The following FAM107B variants were observed in gnomAD, a reference collection of about 807,000 sequenced individuals.
The protein encoded by FAM107B is family with sequence similarity 107 member B, also known as protein FAM107B.
In FAM107B, 21 loss-of-function variants were observed where a neutral mutation model predicts 31.5. That is an observed-to-expected ratio of 0.67 (90% CI 0.47 to 0.96). FAM107B has a LOEUF of 0.96. Among genes scored for constraint, FAM107B ranks in the 40% least tolerant of loss-of-function variants. The pLI is 0.00. For synonymous variants in FAM107B, 157 were observed against 141.5 expected, an observed-to-expected ratio of 1.11 and a Z score of -0.78; for missense variants, 452 against 377.1, an observed-to-expected ratio of 1.20 and a Z score of -1.64.
chr10:14,573,576 C>CA (rs774786735), intron 2 of FAM107B, among the ~76,000 whole-genome samples: 41,916 of 121,806 alleles, frequency 0.34, 7,295 homozygotes, highest in South Asian at 0.53. Flanking sequence ...ATTAAAAATA[C>CA]AAAAAAAAAA....
chr10:14,670,024 A>T (rs1231394935), intron 1 of FAM107B, among the ~76,000 whole-genome samples: 1 of 152,228 alleles, frequency 6.6e-6, no homozygotes, highest in African/African-American at 2.4e-5. Context: ...CATGTAAAAA[A>T]AATCACAAGT....
intron 3 of FAM107B, among the ~76,000 whole-genome samples, chr10:14,524,683 A>G (rs1241936696): frequency 6.6e-6 from 1 of 152,244 alleles, no homozygotes; most frequent in African/African-American, 2.4e-5. Flanking sequence ...GACTATCAAA[A>G]AGTCTTGATA....
intron 2 of FAM107B, among the ~76,000 whole-genome samples, chr10:14,596,569 G>C (rs1852195438): frequency 1.3e-5 from 2 of 152,126 alleles, no homozygotes; most frequent in Non-Finnish European, 2.9e-5. Flanking sequence ...AATATTACCA[G>C]TATTATTACT....
At chr10:14,558,379 A>C (rs1485139514) in intron 2 of FAM107B, among the ~76,000 whole-genome samples, 2 of 151,460 alleles carry the variant, frequency 1.3e-5, no homozygotes, top group Admixed American at 6.6e-5. Flanking sequence ...AAGATACCTA[A>C]TTAAATTATT....
At chr10:14,582,955 G>A (rs990861339) in intron 2 of FAM107B, among the ~76,000 whole-genome samples, 8 of 151,784 alleles carry the variant, frequency 5.3e-5, no homozygotes, top group Admixed American at 2.0e-4. Context: ...GCAGAGTGGC[G>A]TGCCCCTATA....
intron 1 of FAM107B, among the ~76,000 whole-genome samples, chr10:14,773,986 G>A (rs1203694687): frequency 6.6e-6 from 1 of 152,034 alleles, no homozygotes; most frequent in Non-Finnish European, 1.5e-5. Flanking sequence ...GCCATTTTTG[G>A]CTCTAAGGCA....
chr10:14,719,060 T>C (rs934443707), intron 1 of FAM107B, among the ~76,000 whole-genome samples: 8 of 152,234 alleles, frequency 5.3e-5, no homozygotes, highest in African/African-American at 1.7e-4. Flanking sequence ...GGGCTGCTCC[T>C]ATTATCAGCC....
In FAM107B at chr10:14,688,719, G is replaced by A. The variant is rs539964738; in HGVS notation, c.412-21028C>T. 5.3e-5 allele frequency among the ~76,000 whole-genome samples: 8 copies of A among 152,124 alleles called. No individual in the cohort carries two copies. In the South Asian group the frequency reaches 6.2e-4, roughly 12 times the overall value. ...GCTCAACGTTTCTTTACAAGGCGTC[G>A]GTAAACAGAGCTTCCATTTTCCAGA... On this transcript the variant is annotated intron_variant, in intron 1 of 4. Transcript: ENST00000181796.
At chr10:14,558,201 G>A (rs1028446002) in intron 2 of FAM107B, among the ~76,000 whole-genome samples, 4 of 149,822 alleles carry the variant, frequency 2.7e-5, no homozygotes, top group South Asian at 2.1e-4. Context: ...ACACACTCAC[G>A]TGCACGTGCT....
chr10:14,572,722 CAA>C (rs1226464805), intron 2 of FAM107B, among the ~76,000 whole-genome samples: 21 of 53,352 alleles, frequency 3.9e-4, no homozygotes, highest in African/African-American at 8.9e-4. Flanking sequence ...CCCATCTCTT[CAA>C]AAAAAAAAAA....
chr10:14,636,252 G>C (rs968382050), intron 2 of FAM107B, among the ~76,000 whole-genome samples: 3 of 136,668 alleles, frequency 2.2e-5, no homozygotes, highest in African/African-American at 8.5e-5. Flanking sequence ...GCCATAGTGT[G>C]ACTCTTATAA....
chr10:14,547,956 T>C (rs1455939346), intron 2 of FAM107B, among the ~76,000 whole-genome samples: 1 of 152,222 alleles, frequency 6.6e-6, no homozygotes, highest in Admixed American at 6.5e-5. Context: ...AACAGCTATT[T>C]CCATGGCCCC....
chr10:14,740,959 G>A (rs1856422236), intron 1 of FAM107B, among the ~76,000 whole-genome samples: 1 of 152,200 alleles, frequency 6.6e-6, no homozygotes. Context: ...TCTGTTAAGT[G>A]TTAAAAGTAA....
intron 2 of FAM107B, among the ~76,000 whole-genome samples, chr10:14,655,107 C>G (rs749877596): frequency 2.1e-4 from 32 of 152,080 alleles, no homozygotes; most frequent in Admixed American, 6.5e-4. Flanking sequence ...AGAGAGGATG[C>G]AAGAGAGAGA....
rs112389292 is a variant in FAM107B at position 14,671,487 on chromosome 10, G to A, written c.412-3796C>T. Reference sequence around the variant, plus strand: ...GCCAGGCTCCTCCCTGATGCAAATGGCACGAGCTTCCCGAGGCTCCACCCC... The same window carrying A: ...GCCAGGCTCCTCCCTGATGCAAATGACACGAGCTTCCCGAGGCTCCACCCC... On this transcript the variant is annotated intron_variant, in intron 1 of 4. Transcript: ENST00000181796. 5.2e-3 allele frequency among the ~76,000 whole-genome samples: 787 copies of A among 152,188 alleles called. 11 individuals are homozygous for A. Among genetic ancestry groups the A allele is most frequent in the African/African-American group, 0.018 (742 of 41,532 alleles).
intron 2 of FAM107B, among the ~76,000 whole-genome samples, chr10:14,561,391 G>A (rs537958533): frequency 3.9e-5 from 6 of 152,348 alleles, no homozygotes; most frequent in Admixed American, 6.5e-5. Flanking sequence ...GAAACACCGC[G>A]CTGAGAAGAC....
At chr10:14,609,545 C>A (rs936139795) in intron 2 of FAM107B, among the ~76,000 whole-genome samples, 6 of 152,200 alleles carry the variant, frequency 3.9e-5, no homozygotes, top group Non-Finnish European at 7.3e-5. Context: ...AGTGTCTCAG[C>A]AAATCCTTCT....
At chr10:14,728,402 C>T (rs962414584) in intron 1 of FAM107B, among the ~76,000 whole-genome samples, 1 of 150,656 alleles carries the variant, frequency 6.6e-6, no homozygotes, top group Non-Finnish European at 1.5e-5. Flanking sequence ...GAAAATAAAG[C>T]CAGTGAGAAA....
intron 1 of FAM107B, among the ~76,000 whole-genome samples, chr10:14,711,478 A>T (rs974719104): frequency 1.2e-4 from 19 of 152,186 alleles, no homozygotes; most frequent in African/African-American, 4.1e-4. Context: ...TACAGTATCC[A>T]GTACAGTCAC....
Sources: gnomAD v4.1 joint callset for allele counts (sites outside exome capture counted in the v4.1 genomes callset) on GRCh38, gnomAD v4.1.1 for gene constraint, MANE v1.5 for transcripts, NCBI Gene and HGNC (gene_info 2026-07-23, HGNC 2026-07-21) for gene names.